Variants in SLC5A7 observed in about 807,000 individuals in gnomAD.
The protein encoded by SLC5A7 is solute carrier family 5 member 7.
SLC5A7 carries 19 observed loss-of-function variants against 55.4 expected under a neutral mutation model. The observed-to-expected ratio is 0.34, with a 90% confidence interval of 0.24 to 0.50. SLC5A7 has a LOEUF of 0.50. Among genes scored for constraint, SLC5A7 ranks in the 20% least tolerant of loss-of-function variants. The pLI, the probability that SLC5A7 is intolerant of heterozygous loss-of-function variation, is 0.98. For synonymous variants in SLC5A7, 265 were observed against 263.7 expected, an observed-to-expected ratio of 1.00 and a Z score of -0.05; for missense variants, 506 against 705.3, an observed-to-expected ratio of 0.72 and a Z score of 3.20.
intron 6 of SLC5A7, among the ~76,000 whole-genome samples, chr2:108,005,444 G>T (rs1387618008): frequency 1.3e-5 from 2 of 152,032 alleles, no homozygotes; most frequent in East Asian, 3.9e-4. Context: ...AGGCCTCTGG[G>T]GTAGTTTAAA....
chr2:108,003,418 T>A (rs1315873073), intron 6 of SLC5A7, among the ~76,000 whole-genome samples: 1 of 152,182 alleles, frequency 6.6e-6, no homozygotes. Context: ...TTCTTCCAGC[T>A]CTAAAAAATT....
At chr2:107,998,063 G>T (rs1677743958) in intron 5 of SLC5A7, 77 bp downstream of exon 5, 7 of 1,357,402 alleles carry the variant, frequency 5.2e-6, no homozygotes, top group Non-Finnish European at 6.9e-6. Context: ...CATTAAAAAT[G>T]AGTAGAAATA....
rs568920378 is a variant in SLC5A7 at position 107,986,607 on chromosome 2, C to T, written c.-208C>T. Reference sequence around the variant, plus strand: ...GCGCGCTCCCAGGTTCTTGGAGACGCCGAGTGAGGAGCCGCCCTGACCGCC... The same window carrying T: ...GCGCGCTCCCAGGTTCTTGGAGACGTCGAGTGAGGAGCCGCCCTGACCGCC... On this transcript the variant is annotated 5_prime_UTR_variant, in exon 1 of 9. Coordinates refer to ENST00000264047, the MANE Select transcript of SLC5A7 (RefSeq NM_021815.5). The T allele has an allele frequency of 5.2e-5, 8 of 153,178 alleles. No homozygotes were observed. The highest frequency in any genetic ancestry group is 3.9e-4 in the Admixed American group (6 of 15,316). The allele number at this position is 153,178 out of a possible 1,614,324, so 9.5% of individuals were successfully genotyped here.
At chr2:107,992,857 C>T in intron 3 of SLC5A7, 115 bp from the exon 4 acceptor site, 1 of 1,109,868 alleles carries the variant, frequency 9.0e-7, no homozygotes, top group South Asian at 1.5e-5. Context: ...AGACTTGTTC[C>T]TCAATCCATA....
intron 2 of SLC5A7, among the ~76,000 whole-genome samples, chr2:107,989,692 T>C (rs1677376192): frequency 6.6e-6 from 1 of 152,196 alleles, no homozygotes; most frequent in Non-Finnish European, 1.5e-5. Flanking sequence ...TGCAGCCCTG[T>C]AACTAGTTTC....
intron 5 of SLC5A7, 147 bp from the exon 6 acceptor site, chr2:108,001,750 C>T: frequency 1.5e-6 from 1 of 678,774 alleles, no homozygotes; most frequent in Non-Finnish European, 2.3e-6. Context: ...TGGTGCCCAA[C>T]AAAAAACAGA....
intron 5 of SLC5A7, among the ~76,000 whole-genome samples, chr2:108,000,577 C>T (rs1014794239): frequency 6.6e-6 from 1 of 152,168 alleles, no homozygotes; most frequent in Admixed American, 6.5e-5. Flanking sequence ...CGATTATAGG[C>T]ATGAGCCACT....
rs1365683351 is a variant in SLC5A7 at position 107,997,823 on chromosome 2, T to C, written c.449-15T>C. On this transcript the variant is annotated splice_polypyrimidine_tract_variant and intron_variant, in intron 4 of 8. Coordinates refer to ENST00000264047, the MANE Select transcript of SLC5A7 (RefSeq NM_021815.5). Reference sequence around the variant, plus strand: ...TCTGGGCACCTTGACCACAGAACTCTCTTGTTTGTTTCAGGAGCCACCATC... The same window carrying C: ...TCTGGGCACCTTGACCACAGAACTCCCTTGTTTGTTTCAGGAGCCACCATC... 1 of 1,601,916 alleles carries C rather than the reference T, an allele frequency of 6.2e-7. No homozygotes were observed. Among genetic ancestry groups the C allele is most frequent in the African/African-American group, 1.3e-5 (1 of 74,526 alleles).
chr2:107,988,002 G>T lies in SLC5A7; in HGVS notation c.-51-103G>T, dbSNP rs1309246272. On this transcript the variant is annotated intron_variant, in intron 1 of 8. Coordinates refer to ENST00000264047, the MANE Select transcript of SLC5A7 (RefSeq NM_021815.5). ...GTGGTTTCAGGGTTGTACTCTTTCTGTGAGTGGCACAGGATCTCGCATGAG... is the reference window on the plus strand; with the variant it reads ...GTGGTTTCAGGGTTGTACTCTTTCTTTGAGTGGCACAGGATCTCGCATGAG... 14 of 621,662 alleles carry T rather than the reference G, an allele frequency of 2.3e-5. No individual in the cohort carries two copies. The African/African-American group carries it at 2.6e-4, about 11-fold the overall frequency. The allele number at this position is 621,662 out of a possible 1,614,324, so 38.5% of individuals were successfully genotyped here.
At position 108,010,609 on chromosome 2, in the gene SLC5A7, A is replaced by G. The variant is rs757860114; in HGVS notation, c.1491A>G (p.Leu497=). 4.3e-6 allele frequency: 7 copies of G among 1,614,022 alleles called. No homozygotes were observed. Among genetic ancestry groups the G allele is most frequent in the Non-Finnish European group, 5.9e-6 (7 of 1,179,948 alleles). ...TAACCAACATTTGCATCTCCTATCT[A>G]GCCAAGTATCTATTTGAAAGTGGAA... ...SFLTNICISY[L]AKYLFESGTL... Residue 497 remains leucine (L), a synonymous_variant, in exon 9 of 9, where the codon CTA becomes CTG. Coordinates refer to ENST00000264047, the MANE Select transcript of SLC5A7 (RefSeq NM_021815.5).
chr2:108,010,299 C>T lies in SLC5A7; in HGVS notation c.1181C>T (p.Ala394Val), dbSNP rs750242187. 2 of 1,613,968 alleles carry T rather than the reference C, an allele frequency of 1.2e-6. No individual in the cohort carries two copies. Among genetic ancestry groups the T allele is most frequent in the Non-Finnish European group, 1.7e-6 (2 of 1,179,924 alleles). ...TVFVFGASAT[A>V]MALLTKTVYG... ...TTTGTGTTTGGAGCATCTGCAACAG[C>T]CATGGCCTTGCTGACGAAAACTGTG... The change falls in exon 9 of 9, where the codon GCC becomes GTC. Residue 394 changes from alanine to valine, a missense_variant. Coordinates refer to ENST00000264047, the MANE Select transcript of SLC5A7 (RefSeq NM_021815.5).
intron 6 of SLC5A7, among the ~76,000 whole-genome samples, chr2:108,003,259 A>G (rs1159473116): frequency 1.3e-5 from 2 of 152,338 alleles, no homozygotes; most frequent in East Asian, 3.9e-4. Flanking sequence ...ACTTAGAACA[A>G]TTAAGCAATT....
At position 107,997,820 on chromosome 2, in the gene SLC5A7, C is replaced by G; in HGVS notation, c.449-18C>G. 6.3e-7 allele frequency: 1 copy of G among 1,595,788 alleles called. No homozygotes were observed. The highest frequency in any genetic ancestry group is 8.5e-7 in the Non-Finnish European group (1 of 1,170,832). On this transcript the variant is annotated intron_variant, in intron 4 of 8. Transcript: ENST00000264047. Reference sequence around the variant, plus strand: ...CTGTCTGGGCACCTTGACCACAGAACTCTCTTGTTTGTTTCAGGAGCCACC... The same window carrying G: ...CTGTCTGGGCACCTTGACCACAGAAGTCTCTTGTTTGTTTCAGGAGCCACC...
rs145094972 is a variant in SLC5A7 at position 108,012,669 on chromosome 2, T to C, written c.*1808T>C. 2.0e-5 allele frequency: 3 copies of C among 152,232 alleles called. No homozygotes were observed. In the East Asian group the frequency reaches 5.8e-4, roughly 29 times the overall value. 9.4% of individuals were successfully genotyped at this position (152,232 alleles called of 1,614,324 possible). On this transcript the variant is annotated 3_prime_UTR_variant, in exon 9 of 9. Coordinates refer to ENST00000264047, the MANE Select transcript of SLC5A7 (RefSeq NM_021815.5). ...ATATGTATCTAAATGAAAAGAGAAT[T>C]ACTTATATTCATCTATTTTCTCAGA... is the stretch of plus-strand genomic sequence containing the variant.
chr2:108,008,098 T>G (rs2104378275), intron 7 of SLC5A7, among the ~76,000 whole-genome samples: 1 of 152,220 alleles, frequency 6.6e-6, no homozygotes, highest in East Asian at 1.9e-4. Context: ...TAACTGAGCC[T>G]TAAAGAAGAA....
intron 7 of SLC5A7, among the ~76,000 whole-genome samples, chr2:108,006,800 A>T (rs1294655763): frequency 6.6e-6 from 1 of 152,186 alleles, no homozygotes; most frequent in African/African-American, 2.4e-5. Flanking sequence ...TGAGAGTCAC[A>T]GGCTTAGAGA....
At chr2:107,994,384 C>G (rs542247613) in intron 4 of SLC5A7, among the ~76,000 whole-genome samples, 1 of 152,218 alleles carries the variant, frequency 6.6e-6, no homozygotes, top group South Asian at 2.1e-4. Context: ...GAGATCGAGA[C>G]CATCCTGGCC....
At chr2:107,997,313 C>A (rs1015653147) in intron 4 of SLC5A7, among the ~76,000 whole-genome samples, 4 of 152,178 alleles carry the variant, frequency 2.6e-5, no homozygotes, top group Admixed American at 2.6e-4. Flanking sequence ...AGTACGGTAA[C>A]AATCTGCACG....
chr2:108,008,366 A>C, intron 7 of SLC5A7, 99 bp from the exon 8 acceptor site: 1 of 827,202 alleles, frequency 1.2e-6, no homozygotes. Context: ...TATGATTCTG[A>C]GTTTATTTCA....
Sources: gnomAD v4.1 joint callset for allele counts (sites outside exome capture counted in the v4.1 genomes callset) on GRCh38, gnomAD v4.1.1 for gene constraint, MANE v1.5 for transcripts, NCBI Gene and HGNC (gene_info 2026-07-23, HGNC 2026-07-21) for gene names.